Variants in NEK9 observed in about 807,000 individuals in gnomAD.
The protein encoded by NEK9 is NIMA related kinase 9.
A neutral mutation model predicts 123.4 loss-of-function variants in NEK9; 75 were observed. The observed-to-expected ratio is 0.61, with a 90% CI of 0.50 to 0.74. The LOEUF (loss-of-function observed/expected upper bound fraction) is 0.74, where lower values mean the gene tolerates loss of function less well. NEK9 is among the 30% of genes least tolerant of loss of function. The pLI is 0.00. For missense variants in NEK9, 952 were observed against 1,214.4 expected (o/e 0.78, Z 3.21); for synonymous variants, 438 against 458.7 (o/e 0.95, Z 0.58).
At chr14:75,114,117 G>T (rs1226909334) in intron 7 of NEK9, 86 bp downstream of exon 7, 1 of 917,558 alleles carries the variant, frequency 1.1e-6, no homozygotes, top group Non-Finnish European at 1.8e-6. Context: ...ATGTGGTTTT[G>T]TATGGTTTAT....
chr14:75,090,920 T>C (rs1281641646), intron 19 of NEK9, among the ~76,000 whole-genome samples: 1 of 152,216 alleles, frequency 6.6e-6, no homozygotes. Flanking sequence ...CATTTTCCTA[T>C]TGTAAGGCAT....
intron 18 of NEK9, among the ~76,000 whole-genome samples, chr14:75,092,809 C>G (rs1211986676): frequency 1.3e-5 from 2 of 148,748 alleles, no homozygotes; most frequent in East Asian, 3.9e-4. Context: ...TTTTTTTTCT[C>G]TTACTCCTCA....
rs1242956845 is a variant in NEK9 at position 75,105,992 on chromosome 14, T to C, written c.1533A>G (p.Arg511=). 1 of 1,613,266 alleles carries C rather than the reference T, an allele frequency of 6.2e-7. No homozygotes were observed. The highest frequency in any genetic ancestry group is 2.2e-5 in the East Asian group (1 of 44,882). Residue 511 remains arginine, a synonymous_variant, in exon 13 of 22, where the codon CGA becomes CGG. Transcript: ENST00000238616. ...AATCCTCTTCTGAATCCAAACCCAG[T>C]CGTCCTGAAACACACATAAGAATGA... is the stretch of plus-strand genomic sequence containing the variant. ...VYSWGCGEYG[R]LGLDSEEDYY...
At chr14:75,100,054 G>A (rs138252886) in intron 16 of NEK9, among the ~76,000 whole-genome samples, 6 of 143,014 alleles carry the variant, frequency 4.2e-5, no homozygotes, top group East Asian at 2.2e-4. Context: ...ACTTGAACCC[G>A]GGAGGTGGAG....
chr14:75,127,031 C>G lies in NEK9; in HGVS notation c.-110G>C. On this transcript the variant is annotated 5_prime_UTR_variant, in exon 1 of 22. Transcript: ENST00000238616. The stretch of plus-strand genomic sequence containing the variant: ...CCCGCGGATCCGTCAGCCCAGCAAC[C>G]CCGCGAAGCTCGATGGTGGCTCCTG... The G allele has an allele frequency of 1.1e-6, 1 of 886,214 alleles. No homozygotes were observed. Among genetic ancestry groups the G allele is most frequent in the Middle Eastern group, 3.6e-4 (1 of 2,798 alleles). The allele number at this position is 886,214 out of a possible 1,614,324, so 54.9% of individuals were successfully genotyped here. A position where few individuals can be genotyped will look rare whatever the true frequency, so the allele number is the denominator to read the frequency against.
chr14:75,088,360 G>A, intron 20 of NEK9, 120 bp downstream of exon 20: 2 of 918,750 alleles, frequency 2.2e-6, no homozygotes, highest in Non-Finnish European at 3.4e-6. Context: ...TGAATAGACA[G>A]TATAATGAGT....
At chr14:75,126,512 G>A (rs1366182565) in intron 1 of NEK9, among the ~76,000 whole-genome samples, 191 bp downstream of exon 1, 1 of 152,202 alleles carries the variant, frequency 6.6e-6, no homozygotes, top group Non-Finnish European at 1.5e-5. Context: ...AATCAAAAAT[G>A]ACTAGTCAAA....
intron 16 of NEK9, among the ~76,000 whole-genome samples, chr14:75,098,184 G>A (rs1267577360): frequency 6.6e-6 from 1 of 152,198 alleles, no homozygotes; most frequent in African/African-American, 2.4e-5. Flanking sequence ...GATGTGGAGT[G>A]TAGGAGGAAG....
intron 19 of NEK9, among the ~76,000 whole-genome samples, chr14:75,089,296 C>T (rs1894131326): frequency 2.0e-5 from 3 of 152,100 alleles, no homozygotes; most frequent in Admixed American, 1.3e-4. Context: ...GGCACAATCT[C>T]GGCTCACTGC....
chr14:75,120,082 T>C (rs1280692716), intron 4 of NEK9, among the ~76,000 whole-genome samples: 2 of 152,218 alleles, frequency 1.3e-5, no homozygotes, highest in Non-Finnish European at 2.9e-5. Flanking sequence ...ATGCTTGTTT[T>C]TAAAGATCTG....
chr14:75,122,831 C>T (rs187699918), intron 2 of NEK9, among the ~76,000 whole-genome samples: 181 of 141,086 alleles, frequency 1.3e-3, no homozygotes, highest in African/African-American at 4.7e-3. Flanking sequence ...GGTCTGGCTC[C>T]ATCGCCCAGG....
chr14:75,119,517 G>A (rs2139802217), intron 4 of NEK9, among the ~76,000 whole-genome samples: 1 of 152,258 alleles, frequency 6.6e-6, no homozygotes, highest in East Asian at 1.9e-4. Context: ...AAGCTATTAG[G>A]AAAAGTTGAG....
rs1343611525 is a variant in NEK9, at chr14:75,104,653, T to C, written c.1576-656A>G. On this transcript the variant is annotated intron_variant, in intron 13 of 21. Transcript: ENST00000238616. Reference sequence around the variant, plus strand: ...GTGTGCCACCATGCCCAGTTAATTTTTGTGTTTTTAGTAGAGACAGGGTTT... The same window carrying C: ...GTGTGCCACCATGCCCAGTTAATTTCTGTGTTTTTAGTAGAGACAGGGTTT... Among the ~76,000 whole-genome samples, 6 of 151,476 alleles carry C rather than the reference T, an allele frequency of 4.0e-5. No homozygotes were observed. The East Asian group carries it at 1.2e-3, about 29-fold the overall frequency.
At chr14:75,086,008 G>A (rs909336961) in intron 21 of NEK9, among the ~76,000 whole-genome samples, 2 of 151,954 alleles carry the variant, frequency 1.3e-5, no homozygotes, top group African/African-American at 4.8e-5. Context: ...GGCCAATATG[G>A]TGAAATCCCA....
chr14:75,089,476 G>A (rs1388468866), intron 19 of NEK9, among the ~76,000 whole-genome samples: 3 of 152,030 alleles, frequency 2.0e-5, no homozygotes, highest in African/African-American at 7.2e-5. Flanking sequence ...TGATCTGCCC[G>A]CCTTGGCCTC....
intron 18 of NEK9, among the ~76,000 whole-genome samples, chr14:75,094,625 C>CA (rs1032250164): frequency 2.0e-5 from 3 of 151,824 alleles, no homozygotes; most frequent in Non-Finnish European, 4.4e-5. Context: ...ACTAAAAATA[C>CA]AAAAAATAGC....
rs1893920542 is a variant in NEK9, at chr14:75,083,294, G to A, written c.*1270C>T. 2.5e-6 allele frequency: 1 copy of A among 393,502 alleles called. No homozygotes were observed. The highest frequency in any genetic ancestry group is 4.4e-5 in the Admixed American group (1 of 22,580). The allele number at this position is 393,502 out of a possible 1,614,324, so 24.4% of individuals were successfully genotyped here. ...TCCTTAAGGAAACCATCAAATACTT[G>A]CCTAGAACTTTCTATATGAAGTTTT... On this transcript the variant is annotated 3_prime_UTR_variant, in exon 22 of 22. Transcript: ENST00000238616.
chr14:75,100,323 G>A (rs1041501814), intron 16 of NEK9, among the ~76,000 whole-genome samples: 1 of 151,914 alleles, frequency 6.6e-6, no homozygotes, highest in Admixed American at 6.6e-5. Context: ...GCGCATGCCT[G>A]TAATCCCAGC....
chr14:75,114,167 A>G (rs749756641), intron 7 of NEK9, 36 bp downstream of exon 7: 42 of 1,446,742 alleles, frequency 2.9e-5, no homozygotes, highest in Non-Finnish European at 4.0e-5. Flanking sequence ...GGAAGGGGAA[A>G]TACGAAACTG....
Sources: allele counts gnomAD v4.1 joint callset (sites outside exome capture counted in the v4.1 genomes callset), GRCh38; gene constraint gnomAD v4.1.1; transcripts MANE v1.5; gene names NCBI Gene and HGNC (gene_info 2026-07-23, HGNC 2026-07-21).